The following CALN1 variants were observed in gnomAD, a reference collection of about 807,000 sequenced individuals.
The protein encoded by CALN1 is calcium-binding protein 8.
Under a neutral mutation model 30.6 loss-of-function variants are expected in CALN1, and 17 were observed. That is an observed-to-expected ratio of 0.56 (90% CI 0.38 to 0.83). The LOEUF is 0.83. Among genes scored for constraint, CALN1 ranks in the 40% least tolerant of loss-of-function variants. CALN1 has a pLI of 0.00. For missense variants in CALN1, 291 were observed against 354.9 expected (o/e 0.82, Z 1.45); for synonymous variants, 156 against 131.4 (o/e 1.19, Z -1.28).
At chr7:72,148,090 A>AT (rs1233487670) in intron 3 of CALN1, among the ~76,000 whole-genome samples, 2 of 135,906 alleles carry the variant, frequency 1.5e-5, no homozygotes, top group Non-Finnish European at 3.1e-5. Flanking sequence ...TTAAAGTATA[A>AT]TAAAAAAAAA....
chr7:71,850,284 C>T lies in CALN1; in HGVS notation c.502-39792G>A, dbSNP rs1396197802. Among the ~76,000 whole-genome samples, 9 of 152,148 alleles carry T rather than the reference C, an allele frequency of 5.9e-5. No homozygotes were observed. The East Asian group carries it at 1.2e-3, about 20-fold the overall frequency. On this transcript the variant is annotated intron_variant, in intron 5 of 6. Transcript: ENST00000395275. ...AGGCTGGAGTGCAGTGGCACATTCT[C>T]GGCTCACTGCAACCTCCGCCTCCCG...
chr7:71,986,193 A>G (rs762008792), intron 5 of CALN1, among the ~76,000 whole-genome samples: 8 of 152,050 alleles, frequency 5.3e-5, no homozygotes, highest in Non-Finnish European at 8.8e-5. Context: ...GACCACAGGC[A>G]TGTGCCACCA....
chr7:72,029,503 A>C lies in CALN1; in HGVS notation c.389-5734T>G, dbSNP rs751795069. Among the ~76,000 whole-genome samples the C allele has an allele frequency of 7.6e-4, 115 of 152,100 alleles. 1 individual carries two copies. Among genetic ancestry groups the C allele is most frequent in the Non-Finnish European group, 1.1e-3 (76 of 68,012 alleles). ...ATAGGAATGTCTTTTGTTCTAATGA[A>C]GCACTTCTTGGTGGGCTTCCAGTGG... On this transcript the variant is annotated intron_variant, in intron 4 of 6. Coordinates refer to ENST00000395275, the MANE Select transcript of CALN1 (RefSeq NM_031468.4).
intron 5 of CALN1, among the ~76,000 whole-genome samples, chr7:72,018,772 T>G (rs1379585012): frequency 6.6e-6 from 1 of 152,204 alleles, no homozygotes; most frequent in African/African-American, 2.4e-5. Flanking sequence ...CCATTTGATT[T>G]TATTCTACCC....
At chr7:72,171,039 C>T (rs1259758471) in intron 3 of CALN1, among the ~76,000 whole-genome samples, 1 of 152,036 alleles carries the variant, frequency 6.6e-6, no homozygotes, top group East Asian at 1.9e-4. Context: ...TGCCTATAGT[C>T]CCAACCACTC....
intron 3 of CALN1, among the ~76,000 whole-genome samples, chr7:72,118,025 G>T (rs750126212): frequency 5.9e-5 from 9 of 152,062 alleles, no homozygotes; most frequent in African/African-American, 9.7e-5. Context: ...GCAGTGTTGG[G>T]GAAAAAGGTG....
intron 5 of CALN1, among the ~76,000 whole-genome samples, chr7:71,901,426 CAA>C (rs35289312): frequency 0.049 from 6,444 of 132,622 alleles, 190 homozygotes; most frequent in African/African-American, 0.099. Context: ...CATATGGAAC[CAA>C]AAAAAAAAAA....
chr7:72,457,965 G>A, the CALN1 span, among the ~76,000 whole-genome samples: 3 of 149,978 alleles, frequency 2.0e-5, no homozygotes, highest in Admixed American at 6.8e-5. Flanking sequence ...CATGTTGCCC[G>A]GGCTGGTCTC....
intron 3 of CALN1, among the ~76,000 whole-genome samples, chr7:72,203,979 C>CTAT (rs59798860): frequency 0.044 from 3,715 of 83,878 alleles, 457 homozygotes; most frequent in African/African-American, 0.087. Flanking sequence ...AGGCCTCTCT[C>CTAT]TTTTTTTTTT....
intron 2 of CALN1, among the ~76,000 whole-genome samples, chr7:72,402,331 G>A (rs1181474738): frequency 6.6e-6 from 1 of 152,168 alleles, no homozygotes; most frequent in African/African-American, 2.4e-5. Context: ...CTGAACATCA[G>A]GAGCTCTAGT....
chr7:72,322,707 G>A (rs2968532), intron 2 of CALN1, among the ~76,000 whole-genome samples: 49,047 of 151,756 alleles, frequency 0.32, 9,671 homozygotes, highest in Middle Eastern at 0.51. Flanking sequence ...TGGTTAATGG[G>A]TACAAAAAAA....
At chr7:71,978,143 T>C (rs914690518) in intron 5 of CALN1, among the ~76,000 whole-genome samples, 20 of 151,686 alleles carry the variant, frequency 1.3e-4, no homozygotes, top group Admixed American at 3.3e-4. Context: ...GAGCCACTTC[T>C]GAGAATAAAC....
In CALN1 at chr7:72,255,877, C is replaced by A. The variant is rs186454674; in HGVS notation, c.244+22809G>T. On this transcript the variant is annotated intron_variant, in intron 3 of 6. Transcript: ENST00000395275. ...TCCTGAGTAGCTGCGATTACAGATG[C>A]GCACCAGCACGCTGGCTAATTTTTG... 4.2e-3 allele frequency among the ~76,000 whole-genome samples: 634 copies of A among 152,132 alleles called. 3 individuals are homozygous for A. Among genetic ancestry groups the A allele is most frequent in the Middle Eastern group, 0.031 (9 of 294 alleles).
At chr7:71,962,006 C>T (rs1192628013) in intron 5 of CALN1, among the ~76,000 whole-genome samples, 1 of 152,124 alleles carries the variant, frequency 6.6e-6, no homozygotes, top group Non-Finnish European at 1.5e-5. Flanking sequence ...CTTTCACCTG[C>T]CTACCCTATG....
chr7:72,200,512 T>C (rs1193075885), intron 3 of CALN1, among the ~76,000 whole-genome samples: 1 of 152,144 alleles, frequency 6.6e-6, no homozygotes, highest in East Asian at 1.9e-4. Flanking sequence ...TGAGCTCCAC[T>C]GTGTGGATGA....
intron 5 of CALN1, among the ~76,000 whole-genome samples, chr7:72,018,614 G>A (rs1484889193): frequency 1.3e-5 from 2 of 152,158 alleles, no homozygotes; most frequent in Non-Finnish European, 2.9e-5. Context: ...CCTGGGGCAT[G>A]ACTCTCAGAC....
intron 5 of CALN1, among the ~76,000 whole-genome samples, chr7:71,836,150 C>G (rs1236595454): frequency 6.6e-6 from 1 of 152,186 alleles, no homozygotes; most frequent in Non-Finnish European, 1.5e-5. Context: ...AGCAGAGCCT[C>G]CCAGCTGAGC....
intron 5 of CALN1, among the ~76,000 whole-genome samples, chr7:71,928,902 G>C (rs1795407455): frequency 6.6e-6 from 1 of 151,638 alleles, no homozygotes; most frequent in South Asian, 2.1e-4. Context: ...AAATATTCTT[G>C]ATTTTCACCT....
intron 4 of CALN1, among the ~76,000 whole-genome samples, chr7:72,101,456 AT>A (rs1806661063): frequency 1.3e-5 from 2 of 152,234 alleles, no homozygotes; most frequent in African/African-American, 4.8e-5. Context: ...TATCTCTAAA[AT>A]ATAAAGCAAC....
Sources: allele counts gnomAD v4.1 joint callset (sites outside exome capture counted in the v4.1 genomes callset), GRCh38; gene constraint gnomAD v4.1.1; transcripts MANE v1.5; gene names NCBI Gene and HGNC (gene_info 2026-07-23, HGNC 2026-07-21).